The following UNC79 variants were observed in gnomAD, a reference collection of about 807,000 sequenced individuals.
UNC79 encodes unc-79 subunit of NALCN channel complex, also known as protein unc-79 homolog.
Under a neutral mutation model 283.1 loss-of-function variants are expected in UNC79, and 37 were observed. That is an observed-to-expected ratio of 0.13 (90% CI 0.10 to 0.17). UNC79 has a LOEUF of 0.17. Ranked by LOEUF, UNC79 falls within the 10% of genes least tolerant of loss-of-function variation. The pLI, the probability that UNC79 is intolerant of heterozygous loss-of-function variation, is 1.00. For missense variants in UNC79, 2,272 were observed against 3,211.1 expected, an observed-to-expected ratio of 0.71 and a Z score of 7.07; for synonymous variants, 1,107 against 1,200.2, an observed-to-expected ratio of 0.92 and a Z score of 1.61.
chr14:93,571,399 T>G (rs1595903708), intron 14 of UNC79, among the ~76,000 whole-genome samples: 1 of 152,186 alleles, frequency 6.6e-6, no homozygotes, highest in South Asian at 2.1e-4. Flanking sequence ...GGAAAAAAAT[T>G]GTGGCAGGGT....
intron 17 of UNC79, among the ~76,000 whole-genome samples, chr14:93,575,511 T>C (rs943467929): frequency 2.0e-5 from 3 of 152,198 alleles, no homozygotes; most frequent in African/African-American, 7.2e-5. Context: ...TACCATCTCC[T>C]AGGCAGATCA....
chr14:93,497,180 T>C, exon 7 of UNC79: 1 of 1,613,344 alleles, frequency 6.2e-7, no homozygotes, highest in Non-Finnish European at 8.5e-7. Flanking sequence ...TGATTGCGTA[T>C]GGGCCTTCAC....
At position 93,651,973 on chromosome 14, in the gene UNC79, G is replaced by A. The variant is rs562647877; in HGVS notation, c.6084-1769G>A. Among the ~76,000 whole-genome samples, 6 of 137,288 alleles carry A rather than the reference G, an allele frequency of 4.4e-5. No homozygotes were observed. The South Asian group carries it at 1.4e-3, about 31-fold the overall frequency. The allele number at this position is 137,288 out of a possible 152,430, so 90.1% of individuals were successfully genotyped here. ...GCCATGGTTTCTCTATGTTGGTCAGGCTGGTCTGGAACTCCTGACCTCAGG... is the reference window on the plus strand; with the variant it reads ...GCCATGGTTTCTCTATGTTGGTCAGACTGGTCTGGAACTCCTGACCTCAGG... On this transcript the variant is annotated intron_variant, in intron 35 of 48. Coordinates refer to ENST00000555664, the Ensembl canonical transcript of UNC79.
intron 1 of UNC79, among the ~76,000 whole-genome samples, chr14:93,367,321 A>G (rs1026526404): frequency 6.6e-6 from 1 of 152,278 alleles, no homozygotes; most frequent in Non-Finnish European, 1.5e-5. Flanking sequence ...AAACAATTTA[A>G]TAATCCAGAA....
intron 1 of UNC79, among the ~76,000 whole-genome samples, chr14:93,334,375 T>C (rs1269735016): frequency 6.6e-6 from 1 of 152,226 alleles, no homozygotes; most frequent in Non-Finnish European, 1.5e-5. Flanking sequence ...GTAGCAGAGA[T>C]TGTAGCAGTC....
At chr14:93,335,254 A>G (rs1189805198) in intron 1 of UNC79, among the ~76,000 whole-genome samples, 1 of 152,212 alleles carries the variant, frequency 6.6e-6, no homozygotes, top group African/African-American at 2.4e-5. Flanking sequence ...CCTTTAATTC[A>G]TTCACTGTTT....
intron 1 of UNC79, among the ~76,000 whole-genome samples, chr14:93,366,628 A>G (rs1391727372): frequency 6.7e-6 from 1 of 149,984 alleles, no homozygotes; most frequent in Non-Finnish European, 1.5e-5. Flanking sequence ...GCTGGAGTAC[A>G]GTGGCATGAT....
intron 27 of UNC79, among the ~76,000 whole-genome samples, chr14:93,616,541 T>C (rs2139838412): frequency 6.6e-6 from 1 of 151,976 alleles, no homozygotes; most frequent in East Asian, 1.9e-4. Flanking sequence ...ATTAACTTAT[T>C]GTATTTTTGG....
chr14:93,422,962 T>C (rs1311496237), intron 1 of UNC79, among the ~76,000 whole-genome samples: 2 of 148,568 alleles, frequency 1.3e-5, no homozygotes, highest in East Asian at 4.0e-4. Flanking sequence ...ACTCAGGAGG[T>C]TGAGGCAGGA....
intron 5 of UNC79, 43 bp downstream of exon 5, chr14:93,487,798 A>G (rs2058517873): frequency 6.4e-7 from 1 of 1,565,342 alleles, no homozygotes; most frequent in African/African-American, 1.4e-5. Context: ...TAGTACCAAT[A>G]ATTAAACAAG....
rs1566795168 is a variant in UNC79, at chr14:93,621,781, A to T, written c.4548A>T (p.Glu1516Asp). 1.2e-6 allele frequency: 2 copies of T among 1,614,210 alleles called. No homozygotes were observed. Among genetic ancestry groups the T allele is most frequent in the Non-Finnish European group, 1.7e-6 (2 of 1,180,040 alleles). Residue 1516 changes from glutamate to aspartate, a missense_variant, in exon 30 of 49, where the codon GAA becomes GAT. Transcript: ENST00000555664. This position sits in a 1 kb window ranked among gnomAD's most constrained non-coding sequence, Gnocchi z 4.8. The stretch of plus-strand genomic sequence containing the variant: ...ACTCGCTTTTGTTTACATTAGACGA[A>T]CATCGTAGGAAGTCGTGCATAGATC...
chr14:93,403,118 T>C (rs962795708), intron 1 of UNC79, among the ~76,000 whole-genome samples: 3 of 152,098 alleles, frequency 2.0e-5, no homozygotes, highest in Admixed American at 6.5e-5. Flanking sequence ...TTTCACTGAG[T>C]AGTCAATTTA....
intron 12 of UNC79, 138 bp downstream of exon 12, chr14:93,538,356 T>C: frequency 1.1e-6 from 1 of 873,470 alleles, no homozygotes; most frequent in East Asian, 2.9e-5. Flanking sequence ...AGTGTTGTAA[T>C]GATGCTATTT....
At chr14:93,333,221 T>C (rs2053491419) in exon 1 of UNC79, 2 of 371,170 alleles carry the variant, frequency 5.4e-6, no homozygotes, top group Non-Finnish European at 9.3e-6. Context: ...CGCGCATTAT[T>C]TTTGCTCGTC....
upstream of UNC79, among the ~76,000 whole-genome samples, chr14:93,429,285 T>C (rs1417946551): frequency 6.6e-6 from 1 of 152,244 alleles, no homozygotes; most frequent in Non-Finnish European, 1.5e-5. Flanking sequence ...TACTAATAAA[T>C]GGAACTTCTC....
chr14:93,660,872 G>T (rs1042269384), intron 39 of UNC79, among the ~76,000 whole-genome samples: 6 of 152,176 alleles, frequency 3.9e-5, no homozygotes, highest in South Asian at 2.1e-4. Context: ...TTACAGGCAT[G>T]TCCCACTGCG....
chr14:93,355,257 G>A (rs2054063143), intron 1 of UNC79, among the ~76,000 whole-genome samples: 1 of 151,902 alleles, frequency 6.6e-6, no homozygotes, highest in African/African-American at 2.4e-5. Flanking sequence ...GCAGTGGCAC[G>A]TTCTCAGCTC....
intron 1 of UNC79, among the ~76,000 whole-genome samples, chr14:93,441,211 G>A (rs1046590228): frequency 3.3e-5 from 5 of 151,938 alleles, no homozygotes; most frequent in Non-Finnish European, 7.4e-5. Context: ...ATGCTTTCTG[G>A]TCTGAATTCC....
intron 40 of UNC79, among the ~76,000 whole-genome samples, chr14:93,670,280 G>A (rs1346117827): frequency 6.6e-6 from 1 of 152,114 alleles, no homozygotes; most frequent in East Asian, 1.9e-4. Context: ...GATAGCATCA[G>A]ATCCCATGGG....
Sources: allele counts gnomAD v4.1 joint callset (sites outside exome capture counted in the v4.1 genomes callset), GRCh38; gene constraint gnomAD v4.1.1; non-coding constraint Gnocchi (gnomAD v3.1); transcripts MANE v1.5; gene names NCBI Gene and HGNC (gene_info 2026-07-23, HGNC 2026-07-21).